The following FAT4 variants were observed in gnomAD, a reference collection of about 807,000 sequenced individuals.
FAT4 encodes protocadherin Fat 4.
FAT4 carries 84 observed loss-of-function variants against 303.9 expected under a neutral mutation model. That is an observed-to-expected ratio of 0.28 (90% CI 0.23 to 0.33). The LOEUF is 0.33. FAT4 is among the 10% of genes least tolerant of loss of function. The pLI is 1.00. For missense variants in FAT4, 6,005 were observed against 6,146.8 expected, an observed-to-expected ratio of 0.98 and a Z score of 0.77; for synonymous variants, 2,307 against 2,298.8, an observed-to-expected ratio of 1.00 and a Z score of -0.10.
At chr4:125,357,812 C>T (rs533277734) in intron 2 of FAT4, among the ~76,000 whole-genome samples, 21 of 152,208 alleles carry the variant, frequency 1.4e-4, no homozygotes, top group Admixed American at 5.9e-4. Context: ...CGTGGATGCT[C>T]TCGTTTGTTG....
Position 125,491,421 on chromosome 4 carries a change from A to T in FAT4, c.14605A>T (p.Met4869Leu). 1 of 1,614,156 alleles carries T rather than the reference A, an allele frequency of 6.2e-7. No homozygotes were observed. The highest frequency in any genetic ancestry group is 8.5e-7 in the Non-Finnish European group (1 of 1,179,992). ...REKPMVYTSR[M>L]PKLSQVNESD... Reference sequence around the variant, plus strand: ...GAAGCCAATGGTATATACTTCCAGAATGCCCAAATTATCTCAAGTCAATGA... The same window carrying T: ...GAAGCCAATGGTATATACTTCCAGATTGCCCAAATTATCTCAAGTCAATGA... The change falls in exon 18 of 18, where the codon ATG becomes TTG. Residue 4869 changes from methionine to leucine, a missense_variant. Physicochemically the swap from Met to Leu is conservative, Grantham distance 15 (BLOSUM62 2). Transcript: ENST00000394329.
Position 125,316,289 on chromosome 4 carries a change from G to A in FAT4, c.-12-111G>A. ...GCCGGACTGGAGGTTCTTTGAAATA[G>A]CAGAGGTCTCAGACCAAGCCGTCAG... On this transcript the variant is annotated intron_variant, in intron 1 of 17. Coordinates refer to ENST00000394329, the MANE Select transcript of FAT4 (RefSeq NM_001291303.3). This position sits in a 1 kb window ranked among gnomAD's most constrained non-coding sequence, Gnocchi z 5.7. 1.5e-6 allele frequency: 2 copies of A among 1,315,254 alleles called. No individual in the cohort carries two copies. Among genetic ancestry groups the A allele is most frequent in the East Asian group, 2.3e-5 (1 of 43,002 alleles). The allele number at this position is 1,315,254 out of a possible 1,614,324, so 81.5% of individuals were successfully genotyped here.
At position 125,415,439 on chromosome 4, in the gene FAT4, A is replaced by T. The variant is rs770168908; in HGVS notation, c.6476A>T (p.Tyr2159Phe). 2.5e-6 allele frequency: 4 copies of T among 1,614,018 alleles called. No homozygotes were observed. The African/African-American group carries it at 5.3e-5, about 22-fold the overall frequency. The change falls in exon 6 of 18, where the codon TAT (tyrosine) becomes TTT (phenylalanine). Residue 2159 changes from tyrosine (Y) to phenylalanine (F), a missense_variant. Transcript: ENST00000394329. The stretch of plus-strand genomic sequence containing the variant: ...AACCCCATCTTTGCACAAGCTTTGT[A>T]TAAAGTGGAGATTAATGAAAACACA... ...DNNPIFAQAL[Y>F]KVEINENTLT... is the part of the protein sequence containing the mutation.
At chr4:125,340,321 T>A (rs940422419) in intron 2 of FAT4, among the ~76,000 whole-genome samples, 1 of 152,204 alleles carries the variant, frequency 6.6e-6, no homozygotes, top group Non-Finnish European at 1.5e-5. Flanking sequence ...TCTTGAAACA[T>A]ATTTTAACAA....
chr4:125,378,913 CTT>C (rs1328323959), intron 2 of FAT4, among the ~76,000 whole-genome samples: 5 of 149,756 alleles, frequency 3.3e-5, no homozygotes, highest in African/African-American at 1.2e-4. Flanking sequence ...GAACTCTGTC[CTT>C]TATTGTAAAA....
chr4:125,345,267 AC>A (rs1184305442), intron 2 of FAT4, among the ~76,000 whole-genome samples: 1 of 152,130 alleles, frequency 6.6e-6, no homozygotes, highest in Non-Finnish European at 1.5e-5. Context: ...TGGGAATAGA[AC>A]AGCGAAAATA....
chr4:125,399,370 T>G (rs944332123), intron 3 of FAT4, among the ~76,000 whole-genome samples: 11 of 152,054 alleles, frequency 7.2e-5, no homozygotes, highest in Non-Finnish European at 1.2e-4. Flanking sequence ...ATGTAATTAT[T>G]ATGTTTCAAA....
intron 7 of FAT4, among the ~76,000 whole-genome samples, chr4:125,432,979 A>G (rs1725331676): frequency 6.6e-6 from 1 of 152,108 alleles, no homozygotes; most frequent in African/African-American, 2.4e-5. Flanking sequence ...CTCCAAAACC[A>G]TTTCATTCCA....
Position 125,317,813 on chromosome 4 carries a change from A to G in FAT4, c.1402A>G (p.Ile468Val). Residue 468 changes from isoleucine (I) to valine (V), a missense_variant, in exon 2 of 18, where the codon ATC becomes GTC. By Grantham distance (29) the Ile-to-Val change is conservative (BLOSUM62 3). Transcript: ENST00000394329. The surrounding 1 kb of genome is among the most constrained non-coding windows in gnomAD (Gnocchi z 7.0). Reference protein sequence around the residue: ...VASLVIFVNDINDHPPVFSQQ... With the variant: ...VASLVIFVNDVNDHPPVFSQQ... Reference sequence around the variant, plus strand: ...AAGCCTGGTGATTTTTGTTAATGACATCAATGACCATCCTCCTGTCTTTTC... The same window carrying G: ...AAGCCTGGTGATTTTTGTTAATGACGTCAATGACCATCCTCCTGTCTTTTC... 1.2e-6 allele frequency: 2 copies of G among 1,614,184 alleles called. No individual in the cohort carries two copies. Among genetic ancestry groups the G allele is most frequent in the Non-Finnish European group, 1.7e-6 (2 of 1,180,036 alleles).
At chr4:125,446,568 C>T (rs1420331765) in intron 9 of FAT4, 25 bp downstream of exon 9, 1 of 1,583,416 alleles carries the variant, frequency 6.3e-7, no homozygotes, top group Non-Finnish European at 8.6e-7. Context: ...TCTGAGGCCA[C>T]ATGGATATAA....
At chr4:125,392,084 T>A (rs1282994253) in intron 2 of FAT4, among the ~76,000 whole-genome samples, 1 of 152,162 alleles carries the variant, frequency 6.6e-6, no homozygotes, top group Non-Finnish European at 1.5e-5. Context: ...TATTTGCAAT[T>A]ACCTATGTTG....
chr4:125,329,385 T>A (rs1356671956), intron 2 of FAT4, among the ~76,000 whole-genome samples: 1 of 152,198 alleles, frequency 6.6e-6, no homozygotes, highest in Non-Finnish European at 1.5e-5. Flanking sequence ...GGATTTTACT[T>A]CCATTAAATG....
intron 8 of FAT4, among the ~76,000 whole-genome samples, chr4:125,439,036 C>A (rs1189928160): frequency 6.6e-6 from 1 of 152,136 alleles, no homozygotes; most frequent in African/African-American, 2.4e-5. Context: ...CCTATTTGAT[C>A]AAACTTTGTA....
chr4:125,370,381 A>G (rs745669230), intron 2 of FAT4, among the ~76,000 whole-genome samples: 51 of 152,224 alleles, frequency 3.4e-4, no homozygotes, highest in Non-Finnish European at 6.6e-4. Context: ...CAAACTGCTT[A>G]TTAAACTGTA....
rs377348654 is a variant in FAT4, at chr4:125,407,120, A to G, written c.5548A>G (p.Ile1850Val). The change falls in exon 4 of 18, where the codon ATT (isoleucine) becomes GTT (valine). Residue 1850 changes from isoleucine to valine, a missense_variant. Physicochemically the swap from Ile to Val is conservative, Grantham distance 29. Transcript: ENST00000394329. Reference sequence around the variant, plus strand: ...TTCCAGACCCGTGTACTCTTTTGACATTCCTGAGGACACAATCCCTGGTAG... The same window carrying G: ...TTCCAGACCCGTGTACTCTTTTGACGTTCCTGAGGACACAATCCCTGGTAG... Reference protein sequence around the residue: ...KFSRPVYSFDIPEDTIPGSLV... With the variant: ...KFSRPVYSFDVPEDTIPGSLV... 1.2e-6 allele frequency: 2 copies of G among 1,612,716 alleles called. No individual in the cohort carries two copies. Among genetic ancestry groups the G allele is most frequent in the Non-Finnish European group, 1.7e-6 (2 of 1,178,978 alleles).
At chr4:125,402,700 A>T (rs1509301) in intron 3 of FAT4, among the ~76,000 whole-genome samples, 6 of 152,024 alleles carry the variant, frequency 3.9e-5, no homozygotes, top group African/African-American at 1.4e-4. Context: ...AATGTATGTA[A>T]GCTATGATGG....
In FAT4 at chr4:125,320,166, G is replaced by A. The variant is rs1225418855; in HGVS notation, c.3755G>A (p.Gly1252Glu). The A allele has an allele frequency of 6.2e-7, 1 of 1,613,918 alleles. No homozygotes were observed. The highest frequency in any genetic ancestry group is 1.3e-5 in the African/African-American group (1 of 75,018). The change falls in exon 2 of 18, where the codon GGA becomes GAA. Residue 1252 changes from glycine to glutamate, a missense_variant. Gly to Glu is a moderately conservative substitution (Grantham distance 98, BLOSUM62 -2). Coordinates refer to ENST00000394329, the MANE Select transcript of FAT4 (RefSeq NM_001291303.3). ...CTTATTCACTATTCTATAATAAAAG[G>A]AAATGAAGAAAGACAGTTTGCTATA... The part of the protein sequence containing the change: ...NGLIHYSIIK[G>E]NEERQFAIDS...
intron 17 of FAT4, among the ~76,000 whole-genome samples, chr4:125,488,308 T>C (rs1188031696): frequency 1.7e-4 from 26 of 152,170 alleles, no homozygotes. Flanking sequence ...GCAGTTTTGG[T>C]CTTATTTACA....
chr4:125,466,669 A>G (rs887794267), intron 11 of FAT4, among the ~76,000 whole-genome samples: 1 of 150,746 alleles, frequency 6.6e-6, no homozygotes. Flanking sequence ...ATCTCTATAT[A>G]TCATATATAT....
Sources: gnomAD v4.1 joint callset for allele counts (sites outside exome capture counted in the v4.1 genomes callset) on GRCh38, gnomAD v4.1.1 for gene constraint, Gnocchi (gnomAD v3.1) non-coding constraint, MANE v1.5 for transcripts, NCBI Gene and HGNC (gene_info 2026-07-23, HGNC 2026-07-21) for gene names.